The following LINGO2 variants were observed in gnomAD, a reference collection of about 807,000 sequenced individuals.
The protein encoded by LINGO2 is leucine rich repeat and Ig domain containing 2, also known as leucine-rich repeat and immunoglobulin-like domain-containing nogo receptor-interacting protein 2.
Under a neutral mutation model 30.6 loss-of-function variants are expected in LINGO2, and 14 were observed. The observed-to-expected ratio is 0.46, with a 90% CI of 0.30 to 0.72. LINGO2 has a LOEUF of 0.72. LINGO2 is among the 30% of genes least tolerant of loss of function. The pLI, the probability that LINGO2 is intolerant of heterozygous loss-of-function variation, is 0.07. For missense variants in LINGO2, 729 were observed against 751.7 expected (o/e 0.97, Z 0.35); for synonymous variants, 317 against 288.5 (o/e 1.10, Z -1.00).
intron 1 of LINGO2, among the ~76,000 whole-genome samples, chr9:28,556,847 T>A (rs1822729571): frequency 6.6e-6 from 1 of 151,924 alleles, no homozygotes; most frequent in South Asian, 2.1e-4. Context: ...ACACTGCATA[T>A]CTACAACTAT....
chr9:28,518,854 T>G (rs1820726381), intron 1 of LINGO2, among the ~76,000 whole-genome samples: 1 of 152,216 alleles, frequency 6.6e-6, no homozygotes, highest in South Asian at 2.1e-4. Context: ...AGTTTAATTC[T>G]TAGGTCCAGC....
At chr9:29,058,132 AG>A in the LINGO2 span, among the ~76,000 whole-genome samples, 1 of 152,146 alleles carries the variant, frequency 6.6e-6, no homozygotes, top group Non-Finnish European at 1.5e-5. Flanking sequence ...CAATAGATTA[AG>A]AAAAGAGAGA....
intron 4 of LINGO2, among the ~76,000 whole-genome samples, chr9:28,285,400 T>G (rs1312707328): frequency 2.5e-5 from 3 of 120,200 alleles, no homozygotes; most frequent in African/African-American, 7.0e-5. Context: ...CCAAGATCAT[T>G]TTTTTTTTTT....
chr9:28,577,163 T>C (rs769809974), intron 1 of LINGO2, among the ~76,000 whole-genome samples: 14 of 152,224 alleles, frequency 9.2e-5, no homozygotes, highest in Non-Finnish European at 8.8e-5. Flanking sequence ...GAGACGGGCC[T>C]GAATTTTGCT....
the LINGO2 span, among the ~76,000 whole-genome samples, chr9:28,795,983 T>TACAC: frequency 0.076 from 10,494 of 138,082 alleles, 517 homozygotes; most frequent in South Asian, 0.19. Context: ...CAGTACTAGA[T>TACAC]ACACACACAC....
chr9:28,526,357 C>T (rs1348774645), intron 1 of LINGO2, among the ~76,000 whole-genome samples: 2 of 152,104 alleles, frequency 1.3e-5, no homozygotes, highest in East Asian at 3.9e-4. Context: ...ACAGCAACAT[C>T]CAATGCCATA....
chr9:28,593,349 T>A (rs760814680), intron 1 of LINGO2, among the ~76,000 whole-genome samples: 3 of 152,122 alleles, frequency 2.0e-5, no homozygotes, highest in Non-Finnish European at 4.4e-5. Flanking sequence ...CTATTATCCC[T>A]ATTTACTAAA....
chr9:27,950,414 T>C, exon 6 of LINGO2: 2 of 1,614,174 alleles, frequency 1.2e-6, no homozygotes, highest in Non-Finnish European at 1.7e-6. Flanking sequence ...CACTCAAGTC[T>C]ATCTCTTCCA....
the LINGO2 span, among the ~76,000 whole-genome samples, chr9:28,998,155 A>C: frequency 6.6e-6 from 1 of 152,198 alleles, no homozygotes; most frequent in East Asian, 1.9e-4. Flanking sequence ...TATTTTGAGG[A>C]TATTGAAAGG....
At chr9:29,085,281 TAAAAAAAAAAAAA>T in the LINGO2 span, among the ~76,000 whole-genome samples, 1 of 77,034 alleles carries the variant, frequency 1.3e-5, no homozygotes, top group African/African-American at 4.5e-5. Flanking sequence ...CTATGGTAAG[TAAAAAAAAAAAAA>T]AAAAAAAAAA....
intron 2 of LINGO2, among the ~76,000 whole-genome samples, chr9:28,426,525 A>G (rs1489964986): frequency 6.6e-6 from 1 of 152,140 alleles, no homozygotes; most frequent in African/African-American, 2.4e-5. Flanking sequence ...GTAGAAAAGC[A>G]ATCAAAACAT....
the LINGO2 span, among the ~76,000 whole-genome samples, chr9:28,797,357 T>TAGAGAG: frequency 7.1e-3 from 391 of 55,126 alleles, 2 homozygotes; most frequent in South Asian, 9.9e-3. Context: ...TATATATATA[T>TAGAGAG]ATAGAGAGAG....
chr9:28,808,793 T>C, the LINGO2 span, among the ~76,000 whole-genome samples: 1 of 152,234 alleles, frequency 6.6e-6, no homozygotes, highest in Non-Finnish European at 1.5e-5. Context: ...ATGATGTTTT[T>C]ATAATAAATA....
the LINGO2 span, among the ~76,000 whole-genome samples, chr9:28,799,726 A>G: frequency 6.6e-6 from 1 of 152,256 alleles, no homozygotes; most frequent in Admixed American, 6.5e-5. Flanking sequence ...AGTTGTTATG[A>G]GAAGTATAAG....
At chr9:28,547,747 G>C (rs1231307938) in intron 1 of LINGO2, among the ~76,000 whole-genome samples, 1 of 152,014 alleles carries the variant, frequency 6.6e-6, no homozygotes, top group African/African-American at 2.4e-5. Context: ...TAGGAAACTG[G>C]GCTTAGTGCC....
intron 4 of LINGO2, among the ~76,000 whole-genome samples, chr9:28,170,493 G>A (rs927663394): frequency 6.6e-6 from 1 of 152,132 alleles, no homozygotes; most frequent in South Asian, 2.1e-4. Context: ...AGATTATAAG[G>A]GTGGTGGCTG....
chr9:29,134,556 G>A, the LINGO2 span, among the ~76,000 whole-genome samples: 4 of 152,038 alleles, frequency 2.6e-5, no homozygotes, highest in Non-Finnish European at 5.9e-5. Context: ...AGAGATGGAT[G>A]AGTGGATAGA....
chr9:28,847,477 C>T, the LINGO2 span, among the ~76,000 whole-genome samples: 2 of 146,884 alleles, frequency 1.4e-5, no homozygotes, highest in Non-Finnish European at 3.0e-5. Flanking sequence ...TGTCAGTTCT[C>T]ATCTGTCTGT....
At chr9:28,804,298 T>C in the LINGO2 span, among the ~76,000 whole-genome samples, 4 of 152,100 alleles carry the variant, frequency 2.6e-5, no homozygotes, top group Non-Finnish European at 5.9e-5. Flanking sequence ...GGTTATAAGT[T>C]GATGTCCATC....
Sources: gnomAD v4.1 joint callset for allele counts (sites outside exome capture counted in the v4.1 genomes callset) on GRCh38, gnomAD v4.1.1 for gene constraint, MANE v1.5 for transcripts, NCBI Gene and HGNC (gene_info 2026-07-23, HGNC 2026-07-21) for gene names.